The following CEP128 variants were observed in gnomAD, a reference collection of about 807,000 sequenced individuals.
CEP128 encodes centrosomal protein 128kDa.
In CEP128, 132 loss-of-function variants were observed where a neutral mutation model predicts 156.7. The observed-to-expected ratio is 0.84, with a 90% CI of 0.73 to 0.97. The LOEUF (loss-of-function observed/expected upper bound fraction) is 0.97. Ranked by LOEUF, CEP128 falls within the 50% of genes least tolerant of loss-of-function variation. CEP128 has a pLI of 0.00. For synonymous variants in CEP128, 469 were observed against 448.9 expected, an observed-to-expected ratio of 1.04 and a Z score of -0.57; for missense variants, 1,252 against 1,281.9, an observed-to-expected ratio of 0.98 and a Z score of 0.36.
At chr14:80,551,858 T>C (rs1172661473) in intron 21 of CEP128, among the ~76,000 whole-genome samples, 1 of 152,108 alleles carries the variant, frequency 6.6e-6, no homozygotes, top group Non-Finnish European at 1.5e-5. Context: ...TTAACAAAAA[T>C]ATATGTGCAA....
chr14:80,851,442 T>C (rs1360811482), intron 9 of CEP128, among the ~76,000 whole-genome samples: 1 of 152,062 alleles, frequency 6.6e-6, no homozygotes, highest in Non-Finnish European at 1.5e-5. Flanking sequence ...GGGAGAAAAA[T>C]GTTCCAGTAA....
chr14:80,543,906 A>G (rs1265915027), intron 21 of CEP128, among the ~76,000 whole-genome samples: 1 of 152,240 alleles, frequency 6.6e-6, no homozygotes, highest in East Asian at 1.9e-4. Flanking sequence ...ATTAGTAACT[A>G]AAAGTAGCCA....
At chr14:80,528,173 A>T (rs550626572) in intron 22 of CEP128, among the ~76,000 whole-genome samples, 34 of 152,362 alleles carry the variant, frequency 2.2e-4, no homozygotes, top group African/African-American at 7.0e-4. Context: ...AGGGAAGTTA[A>T]GAATGACTTG....
chr14:80,945,299 A>C (rs530822503), upstream of CEP128, among the ~76,000 whole-genome samples: 2 of 152,284 alleles, frequency 1.3e-5, no homozygotes, highest in South Asian at 4.1e-4. Context: ...ACTATAGCCT[A>C]ATTTAAACTT....
In CEP128 at chr14:80,812,872, CTGTT is replaced by C. The variant is rs750427300; in HGVS notation, c.1209+18267_1209+18270del. Among the ~76,000 whole-genome samples the C allele has an allele frequency of 3.2e-3, 479 of 151,894 alleles. 4 individuals are homozygous for C. Among genetic ancestry groups the C allele is most frequent in the African/African-American group, 6.9e-3 (285 of 41,492 alleles). On this transcript the variant is annotated intron_variant, in intron 13 of 24. Coordinates refer to ENST00000555265, the MANE Select transcript of CEP128 (RefSeq NM_152446.5). ...GCCACCGCGCCCGGCCTGTTTTTGT[CTGTT>C]TGTTTGTTTTTTTAACTTTTCATTA...
At chr14:80,775,787 C>T (rs1900754622) in intron 16 of CEP128, among the ~76,000 whole-genome samples, 1 of 152,236 alleles carries the variant, frequency 6.6e-6, no homozygotes, top group Non-Finnish European at 1.5e-5. Flanking sequence ...ATAACACATG[C>T]ATCTGAAATA....
chr14:80,885,963 A>G (rs1003928541), intron 8 of CEP128, among the ~76,000 whole-genome samples: 1 of 152,094 alleles, frequency 6.6e-6, no homozygotes, highest in Non-Finnish European at 1.5e-5. Context: ...AGAACACAGC[A>G]TGAGAACTTC....
rs114006731 is a variant in CEP128 at position 80,722,237 on chromosome 14, A to T, written c.2806+20838T>A. On this transcript the variant is annotated intron_variant, in intron 19 of 24. Coordinates refer to ENST00000555265, the MANE Select transcript of CEP128 (RefSeq NM_152446.5). The stretch of plus-strand genomic sequence containing the variant: ...AGGATGTTCAGTTCAAATTATTCAT[A>T]GTGTCACTACTGAGAAACACCCAGC... Among the ~76,000 whole-genome samples the T allele has an allele frequency of 9.9e-3, 1,510 of 152,278 alleles. 28 individuals are homozygous for T. The highest frequency in any genetic ancestry group is 0.035 in the African/African-American group (1,445 of 41,540).
At chr14:80,530,693 T>G (rs192199704) in intron 22 of CEP128, 116 bp downstream of exon 22, 1 of 580,168 alleles carries the variant, frequency 1.7e-6, no homozygotes, top group Non-Finnish European at 2.9e-6. Context: ...ATGTTAAAAG[T>G]TCCCAATGTT....
intron 2 of CEP128, among the ~76,000 whole-genome samples, chr14:80,928,367 T>C (rs1407882890): frequency 2.0e-5 from 3 of 151,996 alleles, no homozygotes; most frequent in African/African-American, 7.2e-5. Flanking sequence ...AAAGGAAAGG[T>C]GAAAACCAAC....
In CEP128 at chr14:80,615,664, T is replaced by C. The variant is rs1390295494; in HGVS notation, c.2807-35241A>G. On this transcript the variant is annotated intron_variant, in intron 19 of 24. Transcript: ENST00000555265. Reference sequence around the variant, plus strand: ...CGGAGTTCAAGACCAGCCTGACCAATATAATGAAACCCCATCTCTACTAAA... The same window carrying C: ...CGGAGTTCAAGACCAGCCTGACCAACATAATGAAACCCCATCTCTACTAAA... Among the ~76,000 whole-genome samples the C allele has an allele frequency of 2.6e-5, 4 of 151,930 alleles. No homozygotes were observed. The East Asian group carries it at 7.8e-4, about 30-fold the overall frequency.
At chr14:80,916,927 T>C (rs1351181587) in intron 2 of CEP128, among the ~76,000 whole-genome samples, 2 of 152,162 alleles carry the variant, frequency 1.3e-5, no homozygotes, top group Non-Finnish European at 2.9e-5. Flanking sequence ...AACACAGATA[T>C]TCTCTAAAGT....
At chr14:80,510,342 T>C (rs905138292) in intron 23 of CEP128, among the ~76,000 whole-genome samples, 4 of 152,154 alleles carry the variant, frequency 2.6e-5, no homozygotes, top group Non-Finnish European at 5.9e-5. Flanking sequence ...TTCACTACTT[T>C]GGTTATGTCT....
At chr14:80,652,992 T>C (rs1894974777) in intron 19 of CEP128, among the ~76,000 whole-genome samples, 1 of 152,162 alleles carries the variant, frequency 6.6e-6, no homozygotes, top group Non-Finnish European at 1.5e-5. Context: ...ATATACACCA[T>C]GGAATACTAT....
intron 2 of CEP128, among the ~76,000 whole-genome samples, chr14:80,937,996 A>C (rs1056747329): frequency 2.0e-5 from 3 of 151,848 alleles, no homozygotes; most frequent in African/African-American, 7.3e-5. Flanking sequence ...TTCTGGGCTC[A>C]AGTGATCATT....
chr14:80,857,172 G>C (rs1887222910), intron 9 of CEP128, among the ~76,000 whole-genome samples: 1 of 150,420 alleles, frequency 6.6e-6, no homozygotes. Flanking sequence ...TTTTTATCTA[G>C]GATTTTATGT....
At chr14:80,893,819 G>A (rs1480622398) in intron 8 of CEP128, among the ~76,000 whole-genome samples, 1 of 151,816 alleles carries the variant, frequency 6.6e-6, no homozygotes, top group African/African-American at 2.4e-5. Flanking sequence ...ACTGGCATTT[G>A]GATAGACAAA....
intron 20 of CEP128, among the ~76,000 whole-genome samples, chr14:80,564,155 CT>C (rs1490427570): frequency 6.6e-6 from 1 of 152,128 alleles, no homozygotes; most frequent in Non-Finnish European, 1.5e-5. Context: ...TGGATAGTCC[CT>C]TTTCTATTAT....
At chr14:80,856,236 T>A (rs1714122558) in intron 9 of CEP128, among the ~76,000 whole-genome samples, 1 of 152,154 alleles carries the variant, frequency 6.6e-6, no homozygotes, top group South Asian at 2.1e-4. Context: ...CCCTTGCCTA[T>A]CCCACAGACT....
Sources: gnomAD v4.1 joint callset for allele counts (sites outside exome capture counted in the v4.1 genomes callset) on GRCh38, gnomAD v4.1.1 for gene constraint, MANE v1.5 for transcripts, NCBI Gene and HGNC (gene_info 2026-07-23, HGNC 2026-07-21) for gene names.